IL1RAP: variants seen among roughly 807,000 people sequenced by gnomAD.
The protein encoded by IL1RAP is interleukin 1 receptor accessory protein.
In IL1RAP, 35 loss-of-function variants were observed where a neutral mutation model predicts 60.7. That is an observed-to-expected ratio of 0.58 (90% CI 0.44 to 0.76). The LOEUF is 0.76. Among genes scored for constraint, IL1RAP ranks in the 30% least tolerant of loss-of-function variants. The pLI is 0.00. For synonymous variants in IL1RAP, 268 were observed against 250.9 expected, an observed-to-expected ratio of 1.07 and a Z score of -0.64; for missense variants, 572 against 693.9, an observed-to-expected ratio of 0.82 and a Z score of 1.97.
intron 5 of IL1RAP, among the ~76,000 whole-genome samples, chr3:190,618,338 G>A (rs1051777967): frequency 3.3e-5 from 5 of 152,146 alleles, no homozygotes; most frequent in Admixed American, 6.5e-5. Flanking sequence ...AGGATCAGAC[G>A]AGACAGAGTA....
rs554782152 is a variant in IL1RAP, at chr3:190,564,394, A to G, written c.64+41A>G. On this transcript the variant is annotated intron_variant, in intron 3 of 11. Transcript: ENST00000447382. The stretch of plus-strand genomic sequence containing the variant: ...TTGACAATGTATTAAAATGCAAGTC[A>G]TGCGTAGGGTAATGAGTCCACTCTT... 4.6e-6 allele frequency: 6 copies of G among 1,297,162 alleles called. No individual in the cohort carries two copies. In the South Asian group the frequency reaches 5.9e-5, roughly 13 times the overall value. The allele number at this position is 1,297,162 out of a possible 1,614,324, so 80.4% of individuals were successfully genotyped here. A position where few individuals can be genotyped will look rare whatever the true frequency, so the allele number is the denominator to read the frequency against.
intron 1 of IL1RAP, among the ~76,000 whole-genome samples, chr3:190,529,096 A>G (rs1722753531): frequency 6.6e-6 from 1 of 152,194 alleles, no homozygotes; most frequent in Non-Finnish European, 1.5e-5. Flanking sequence ...TCTGGATGTG[A>G]CGTGGAAAAG....
In IL1RAP at chr3:190,634,841, G is replaced by A. The variant is rs528044928; in HGVS notation, c.1051+5343G>A. 8.6e-5 allele frequency among the ~76,000 whole-genome samples: 13 copies of A among 151,678 alleles called. No individual in the cohort carries two copies. The East Asian group carries it at 1.6e-3, about 18-fold the overall frequency. On this transcript the variant is annotated intron_variant, in intron 9 of 11. Coordinates refer to ENST00000447382, the MANE Select transcript of IL1RAP (RefSeq NM_002182.4). ...CGCCATTCTCCTGCCTCAGCCTCCC[G>A]AGTAGCTGGGACTACAGGCGTCCGC...
At position 190,644,225 on chromosome 3, in the gene IL1RAP, T is replaced by C. The variant is rs199769964; in HGVS notation, c.1052-23T>C. On this transcript the variant is annotated intron_variant, in intron 9 of 11. Coordinates refer to ENST00000447382, the MANE Select transcript of IL1RAP (RefSeq NM_002182.4). Reference sequence around the variant, plus strand: ...GTGGTCACCACACAGAAATCAATTCTGTTTCTTTGTTGTTCATTCCAGTGC... The same window carrying C: ...GTGGTCACCACACAGAAATCAATTCCGTTTCTTTGTTGTTCATTCCAGTGC... 2.5e-6 allele frequency: 4 copies of C among 1,605,104 alleles called. No homozygotes were observed. The Admixed American group carries it at 6.8e-5, about 27-fold the overall frequency.
At chr3:190,655,911 T>C (rs1734605149), downstream of IL1RAP, 6 of 1,537,174 alleles carry the variant, frequency 3.9e-6, no homozygotes, top group African/African-American at 1.4e-5. Context: ...CAGTTTTTGA[T>C]TTCATTCAGA....
chr3:190,570,274 C>G (rs144197974), intron 3 of IL1RAP, among the ~76,000 whole-genome samples: 2 of 152,238 alleles, frequency 1.3e-5, no homozygotes, highest in African/African-American at 4.8e-5. Context: ...TCTGGCTTTG[C>G]CTTTGCGTGT....
At chr3:190,522,417 A>T (rs1722147346) in intron 1 of IL1RAP, among the ~76,000 whole-genome samples, 2 of 125,158 alleles carry the variant, frequency 1.6e-5, no homozygotes, top group Non-Finnish European at 3.4e-5. Context: ...CTATGTATCT[A>T]TGTATCTATC....
chr3:190,609,597 C>T (rs1412217483), intron 5 of IL1RAP, among the ~76,000 whole-genome samples: 2 of 152,138 alleles, frequency 1.3e-5, no homozygotes, highest in African/African-American at 2.4e-5. Context: ...TTTGTGAGCA[C>T]TGTCCATCTA....
chr3:190,560,909 G>A (rs754165190), intron 2 of IL1RAP, among the ~76,000 whole-genome samples: 1 of 152,174 alleles, frequency 6.6e-6, no homozygotes, highest in Non-Finnish European at 1.5e-5. Flanking sequence ...AGTCATTAAA[G>A]TTGATATACT....
intron 3 of IL1RAP, among the ~76,000 whole-genome samples, chr3:190,577,055 C>G (rs59270266): frequency 1.4e-5 from 2 of 144,498 alleles, no homozygotes; most frequent in Admixed American, 7.3e-5. Context: ...GAGCCGAGAT[C>G]GCGCCACCGC....
At chr3:190,540,605 C>T (rs1452158692) in intron 1 of IL1RAP, among the ~76,000 whole-genome samples, 5 of 151,664 alleles carry the variant, frequency 3.3e-5, no homozygotes, top group Admixed American at 2.6e-4. Context: ...TTTGTAATAA[C>T]AGGAATTAGT....
intron 9 of IL1RAP, chr3:190,629,995 C>T: frequency 1.2e-6 from 1 of 857,934 alleles, no homozygotes; most frequent in Admixed American, 6.2e-5. Context: ...TTATTAGAAG[C>T]ATTATCTGTA....
intron 5 of IL1RAP, among the ~76,000 whole-genome samples, chr3:190,610,338 GAAT>G (rs1398035988): frequency 6.6e-6 from 1 of 151,840 alleles, no homozygotes; most frequent in Non-Finnish European, 1.5e-5. Context: ...AGCTGTGAAA[GAAT>G]AATAAGAATT....
intron 9 of IL1RAP, among the ~76,000 whole-genome samples, chr3:190,631,412 T>C (rs1732778028): frequency 6.6e-6 from 1 of 152,174 alleles, no homozygotes; most frequent in South Asian, 2.1e-4. Flanking sequence ...GTGTCAGGAA[T>C]GTGAAGTGAC....
downstream of IL1RAP, chr3:190,655,989 G>A (rs1453357710): frequency 1.6e-5 from 25 of 1,537,150 alleles, no homozygotes; most frequent in Non-Finnish European, 2.1e-5. Context: ...GCATGCTGGA[G>A]TTTAAACTGG....
chr3:190,616,875 G>A (rs900833894), intron 5 of IL1RAP, among the ~76,000 whole-genome samples: 13 of 152,136 alleles, frequency 8.5e-5, no homozygotes, highest in African/African-American at 2.9e-4. Context: ...TTCCGACCAC[G>A]CAGATATGGA....
chr3:190,587,341 A>G (rs1346591430), intron 3 of IL1RAP, among the ~76,000 whole-genome samples: 2 of 152,372 alleles, frequency 1.3e-5, no homozygotes, highest in East Asian at 3.9e-4. Context: ...GCCATAATAA[A>G]GCTATCTGAA....
At chr3:190,593,000 C>T (rs761659798) in intron 3 of IL1RAP, among the ~76,000 whole-genome samples, 17 of 152,108 alleles carry the variant, frequency 1.1e-4, no homozygotes, top group Non-Finnish European at 1.8e-4. Flanking sequence ...GTACACTATT[C>T]GGAATAAAAA....
chr3:190,522,305 CCTTCCTTCCTTCCTTCCTT>C, intron 1 of IL1RAP, among the ~76,000 whole-genome samples: 1 of 100,724 alleles, frequency 9.9e-6, no homozygotes, highest in African/African-American at 7.9e-5. Flanking sequence ...TTCCTTCCTT[CCTTCCTTCCTTCCTTCCTT>C]CCTTCCTTCC....
Sources: gnomAD v4.1 joint callset for allele counts (sites outside exome capture counted in the v4.1 genomes callset) on GRCh38, gnomAD v4.1.1 for gene constraint, MANE v1.5 for transcripts, NCBI Gene and HGNC (gene_info 2026-07-23, HGNC 2026-07-21) for gene names.